Variants in LOC400499 observed in about 807,000 individuals in gnomAD.
the LOC400499 span, among the ~76,000 whole-genome samples, chr16:11,410,219 C>T: frequency 6.6e-5 from 10 of 152,082 alleles, no homozygotes; most frequent in South Asian, 2.1e-4. Context: ...TTTGGGAGGC[C>T]GAGGTGGGTG....
At chr16:11,474,359 G>C in the LOC400499 span, among the ~76,000 whole-genome samples, 15 of 152,048 alleles carry the variant, frequency 9.9e-5, no homozygotes, top group African/African-American at 3.6e-4. Flanking sequence ...ACTCTTTTTA[G>C]CCACTTAATG....
At chr16:11,446,604 G>A in the LOC400499 span, 1 of 1,536,004 alleles carries the variant, frequency 6.5e-7, no homozygotes, top group Non-Finnish European at 8.7e-7. Context: ...GGATGACTTT[G>A]CCATCGTATG....
the LOC400499 span, among the ~76,000 whole-genome samples, chr16:11,443,832 C>T: frequency 7.8e-6 from 1 of 128,426 alleles, no homozygotes; most frequent in Non-Finnish European, 1.6e-5. Flanking sequence ...TATCTGTAAT[C>T]CCAACACTTT....
At chr16:11,446,854 G>A in the LOC400499 span, 3 of 1,536,086 alleles carry the variant, frequency 2.0e-6, no homozygotes, top group Non-Finnish European at 2.6e-6. Flanking sequence ...TCGCCTATCA[G>A]CTGTGAAGGT....
chr16:11,420,571 G>C, the LOC400499 span, among the ~76,000 whole-genome samples: 3 of 148,900 alleles, frequency 2.0e-5, no homozygotes, highest in East Asian at 2.0e-4. Context: ...TTGTGCACAT[G>C]TACCCTAAAA....
At chr16:11,523,674 C>G in the LOC400499 span, 2 of 379,294 alleles carry the variant, frequency 5.3e-6, no homozygotes, top group African/African-American at 4.2e-5. Flanking sequence ...CCAATTTGCT[C>G]TTGTTCATCT....
the LOC400499 span, chr16:11,447,919 A>C: frequency 6.5e-7 from 1 of 1,531,842 alleles, no homozygotes; most frequent in South Asian, 1.2e-5. Flanking sequence ...AGCTGAGCAG[A>C]AGGGGCGCAC....
chr16:11,475,995 G>A, the LOC400499 span, among the ~76,000 whole-genome samples: 3 of 152,334 alleles, frequency 2.0e-5, no homozygotes, highest in Non-Finnish European at 4.4e-5. Flanking sequence ...CTGGAGTAGG[G>A]GGAGTTCTCT....
the LOC400499 span, among the ~76,000 whole-genome samples, chr16:11,459,434 G>A: frequency 6.6e-6 from 1 of 151,950 alleles, no homozygotes; most frequent in African/African-American, 2.4e-5. Context: ...CTGATCTCGT[G>A]ATCCGCCCGC....
the LOC400499 span, among the ~76,000 whole-genome samples, chr16:11,492,368 T>C: frequency 1.4e-5 from 2 of 147,210 alleles, no homozygotes; most frequent in Admixed American, 7.0e-5. Flanking sequence ...AAGCAACAAC[T>C]ATGCACTCAG....
chr16:11,493,282 C>T, the LOC400499 span, among the ~76,000 whole-genome samples: 22 of 152,196 alleles, frequency 1.4e-4, no homozygotes, highest in South Asian at 4.1e-4. Context: ...GCAGGTGGAG[C>T]AGGAAAGCAG....
chr16:11,431,639 C>G, the LOC400499 span, among the ~76,000 whole-genome samples: 1 of 152,208 alleles, frequency 6.6e-6, no homozygotes, highest in Non-Finnish European at 1.5e-5. Flanking sequence ...CTCCTGACCT[C>G]AGGTGATCTG....
chr16:11,489,096 C>G, the LOC400499 span, among the ~76,000 whole-genome samples: 1 of 150,710 alleles, frequency 6.6e-6, no homozygotes, highest in African/African-American at 2.5e-5. Flanking sequence ...TTCTGACACA[C>G]TTCCCAGAAG....
chr16:11,447,003 C>A, the LOC400499 span: 1 of 1,394,530 alleles, frequency 7.2e-7, no homozygotes, highest in South Asian at 1.4e-5. Context: ...CTGGGCCTGT[C>A]ACGAGCTTGC....
At chr16:11,432,707 G>T in the LOC400499 span, among the ~76,000 whole-genome samples, 1 of 152,182 alleles carries the variant, frequency 6.6e-6, no homozygotes, top group Non-Finnish European at 1.5e-5. Context: ...CCATTGGAGA[G>T]ATTTCCCTTG....
At chr16:11,418,657 G>A in the LOC400499 span, among the ~76,000 whole-genome samples, 23 of 152,292 alleles carry the variant, frequency 1.5e-4, no homozygotes, top group African/African-American at 4.3e-4. Context: ...CCTCCCTTGC[G>A]GTCTGGATCG....
At chr16:11,495,209 CA>C in the LOC400499 span, among the ~76,000 whole-genome samples, 133,750 of 141,386 alleles carry the variant, frequency 0.95, 63,306 homozygotes, top group Non-Finnish European at 0.99. Context: ...ACTCTGTCTC[CA>C]AAAAAAAAAA....
At chr16:11,412,619 T>C in the LOC400499 span, among the ~76,000 whole-genome samples, 1 of 152,250 alleles carries the variant, frequency 6.6e-6, no homozygotes, top group African/African-American at 2.4e-5. Flanking sequence ...ACTTAGTTTC[T>C]GAGACTGAGA....
chr16:11,398,279 C>T, the LOC400499 span: 1 of 1,200,526 alleles, frequency 8.3e-7, no homozygotes, highest in Non-Finnish European at 1.0e-6. Flanking sequence ...GCGGGCACCA[C>T]CCTCACTGCT....
Sources: gnomAD v4.1 joint callset for allele counts (sites outside exome capture counted in the v4.1 genomes callset) on GRCh38, gnomAD v4.1.1 for gene constraint, MANE v1.5 for transcripts.